The following METRN variants were observed in gnomAD, a reference collection of about 807,000 sequenced individuals.
METRN encodes the protein meteorin, glial cell differentiation regulator, also known as meteorin.
A neutral mutation model predicts 17.4 loss-of-function variants in METRN; 17 were observed. That is an observed-to-expected ratio of 0.98 (90% CI 0.67 to 1.46). METRN has a LOEUF of 1.46. Among genes scored for constraint, METRN ranks in the 40% most tolerant of loss-of-function variants. METRN has a pLI of 0.00. For missense variants in METRN, 489 were observed against 456.2 expected (o/e 1.07, Z -0.65); for synonymous variants, 230 against 210.8 (o/e 1.09, Z -0.79).
chr16:717,542 G>A lies in METRN; in HGVS notation c.*155G>A. 1 of 630,156 alleles carries A rather than the reference G, an allele frequency of 1.6e-6. No homozygotes were observed. Among genetic ancestry groups the A allele is most frequent in the Non-Finnish European group, 2.4e-6 (1 of 423,290 alleles). 39.0% of individuals were successfully genotyped at this position (630,156 alleles called of 1,614,324 possible). Reference sequence around the variant, plus strand: ...CTTGGGCCTGCCTCGCAGCTGTGAGGATGGCTCCAATTCCTGCCTCCTGGC... The same window carrying A: ...CTTGGGCCTGCCTCGCAGCTGTGAGAATGGCTCCAATTCCTGCCTCCTGGC... On this transcript the variant is annotated 3_prime_UTR_variant, in exon 4 of 4. Transcript: ENST00000568223.
chr16:716,973 C>T lies in METRN; in HGVS notation c.546C>T (p.Ala182=), dbSNP rs916436051. ...GCAGCGACGCTGAGCTGCTCCTGGCCGCATGCACCAGCGACTTCGGTGAGT... is the reference window on the plus strand; with the variant it reads ...GCAGCGACGCTGAGCTGCTCCTGGCTGCATGCACCAGCGACTTCGGTGAGT... ...RPCSDAELLL[A]ACTSDFVIHG... is the part of the protein sequence containing the mutation. The change falls in exon 3 of 4, where the codon GCC becomes GCT. Residue 182 remains alanine (A), a synonymous_variant. Transcript: ENST00000568223. 10 of 1,601,274 alleles carry T rather than the reference C, an allele frequency of 6.2e-6. No homozygotes were observed. Among genetic ancestry groups the T allele is most frequent in the Middle Eastern group, 1.7e-4 (1 of 6,040 alleles).
Position 715,281 on chromosome 16 carries a change from C to T in METRN, c.-9C>T, listed in dbSNP as rs2040150545. The T allele has an allele frequency of 1.5e-6, 2 of 1,311,568 alleles. No individual in the cohort carries two copies. Among genetic ancestry groups the T allele is most frequent in the Non-Finnish European group, 1.9e-6 (2 of 1,026,900 alleles). 81.2% of individuals were successfully genotyped at this position (1,311,568 alleles called of 1,614,324 possible). A position where few individuals can be genotyped will look rare whatever the true frequency, so the allele number is the denominator to read the frequency against. ...GAGCCCCGACTCCCCGGACGCCGCCCGCCGTGCCATGGGGTTCCCGGCCGC... is the reference window on the plus strand; with the variant it reads ...GAGCCCCGACTCCCCGGACGCCGCCTGCCGTGCCATGGGGTTCCCGGCCGC... On this transcript the variant is annotated 5_prime_UTR_variant, in exon 1 of 4. Transcript: ENST00000568223.
intron 2 of METRN, 200 bp from the exon 3 acceptor site, chr16:716,733 T>A (rs1596582783): frequency 6.5e-7 from 1 of 1,535,468 alleles, no homozygotes; most frequent in Non-Finnish European, 8.7e-7. Flanking sequence ...CCTGCAAGTG[T>A]GTTTCCTGAG....
intron 1 of METRN, 34 bp from the exon 2 acceptor site, chr16:715,550 C>T: frequency 7.7e-7 from 1 of 1,295,330 alleles, no homozygotes; most frequent in Non-Finnish European, 9.8e-7. Context: ...GGGACCCGCC[C>T]CCGTCTCAGC....
At position 715,991 on chromosome 16, in the gene METRN, G is replaced by A; in HGVS notation, c.505+7G>A. Reference sequence around the variant, plus strand: ...CACGGTCTCGGCGTAGACGGTGAGTGGCGGTCTGGTTGGGACAGGGTGGGA... The same window carrying A: ...CACGGTCTCGGCGTAGACGGTGAGTAGCGGTCTGGTTGGGACAGGGTGGGA... On this transcript the variant is annotated splice_region_variant and intron_variant, in intron 2 of 3. Transcript: ENST00000568223. 2.0e-6 allele frequency: 3 copies of A among 1,481,780 alleles called. No homozygotes were observed. Among genetic ancestry groups the A allele is most frequent in the East Asian group, 5.7e-5 (2 of 35,230 alleles). 91.8% of individuals were successfully genotyped at this position (1,481,780 alleles called of 1,614,324 possible).
chr16:717,009 T>C lies in METRN; in HGVS notation c.565+17T>C, dbSNP rs2151527550. The C allele has an allele frequency of 1.9e-6, 3 of 1,610,264 alleles. No individual in the cohort carries two copies. The highest frequency in any genetic ancestry group is 4.5e-5 in the East Asian group (2 of 44,834). ...GCGACTTCGGTGAGTGTCCCCGCCA[T>C]GGGGGGAGCCTGGAGCCTGCCTTCC... is the stretch of plus-strand genomic sequence containing the variant. On this transcript the variant is annotated intron_variant, in intron 3 of 3. Coordinates refer to ENST00000568223, the MANE Select transcript of METRN (RefSeq NM_024042.4).
chr16:717,520 G>A lies in METRN; in HGVS notation c.*133G>A. On this transcript the variant is annotated 3_prime_UTR_variant, in exon 4 of 4. Transcript: ENST00000568223. ...GGTCTCCTGTGTCCAGCCCAGCCTT[G>A]GGCCTGCCTCGCAGCTGTGAGGATG... 1 of 837,016 alleles carries A rather than the reference G, an allele frequency of 1.2e-6. No individual in the cohort carries two copies. Among genetic ancestry groups the A allele is most frequent in the Non-Finnish European group, 1.6e-6 (1 of 606,568 alleles). The allele number at this position is 837,016 out of a possible 1,614,324, so 51.8% of individuals were successfully genotyped here.
chr16:715,919 G>C lies in METRN; in HGVS notation c.440G>C (p.Arg147Pro). 6.7e-7 allele frequency: 1 copy of C among 1,490,202 alleles called. No individual in the cohort carries two copies. The highest frequency in any genetic ancestry group is 8.9e-7 in the Non-Finnish European group (1 of 1,126,860). The allele number at this position is 1,490,202 out of a possible 1,614,324, so 92.3% of individuals were successfully genotyped here. The stretch of plus-strand genomic sequence containing the variant: ...ATCAGCCGCCGCGTGGCCGCCTTCC[G>C]CTTTGAGCTGCGCGAGGACGGGCGC... The part of the protein sequence containing the change: ...QDISRRVAAF[R>P]FELREDGRPE... The change falls in exon 2 of 4, where the codon CGC becomes CCC. Residue 147 changes from arginine (R) to proline (P), a missense_variant. Transcript: ENST00000568223.
intron 2 of METRN, 193 bp from the exon 3 acceptor site, chr16:716,740 T>G: frequency 6.5e-7 from 1 of 1,535,364 alleles, no homozygotes; most frequent in Middle Eastern, 1.7e-4. Flanking sequence ...GTGTGTTTCC[T>G]GAGTACAGGT....
Position 715,855 on chromosome 16 carries a change from C to A in METRN, c.376C>A (p.Arg126Ser), listed in dbSNP as rs2040156937. Residue 126 changes from arginine (R) to serine (S), a missense_variant, in exon 2 of 4, where the codon CGC becomes AGC. Coordinates refer to ENST00000568223, the MANE Select transcript of METRN (RefSeq NM_024042.4). ...GRCVRWGPRE[R>S]RALFLQATPH... Reference sequence around the variant, plus strand: ...CTGCGTGCGCTGGGGTCCCCGCGAGCGCCGGGCCCTCTTCCTGCAGGCCAC... The same window carrying A: ...CTGCGTGCGCTGGGGTCCCCGCGAGAGCCGGGCCCTCTTCCTGCAGGCCAC... 6.7e-6 allele frequency: 9 copies of A among 1,338,016 alleles called. No individual in the cohort carries two copies. Among genetic ancestry groups the A allele is most frequent in the Non-Finnish European group, 8.6e-6 (9 of 1,048,744 alleles). 82.9% of individuals were successfully genotyped at this position (1,338,016 alleles called of 1,614,324 possible). A position where few individuals can be genotyped will look rare whatever the true frequency, so the allele number is the denominator to read the frequency against.
Position 715,908 on chromosome 16 carries a change from G to A in METRN, c.429G>A (p.Val143=), listed in dbSNP as rs1314068583. The A allele has an allele frequency of 1.4e-6, 2 of 1,476,010 alleles. No homozygotes were observed. The highest frequency in any genetic ancestry group is 1.5e-5 in the African/African-American group (1 of 68,184). 91.4% of individuals were successfully genotyped at this position (1,476,010 alleles called of 1,614,324 possible). A position where few individuals can be genotyped will look rare whatever the true frequency, so the allele number is the denominator to read the frequency against. Residue 143 remains valine, a synonymous_variant, in exon 2 of 4, where the codon GTG becomes GTA. Transcript: ENST00000568223. ...CGCACCAGGACATCAGCCGCCGCGT[G>A]GCCGCCTTCCGCTTTGAGCTGCGCG... ...ATPHQDISRR[V]AAFRFELRED... is the part of the protein sequence containing the mutation.
rs764245589 is a variant in METRN, at chr16:717,102, T to G, written c.597T>G (p.His199Gln). 12 of 1,606,166 alleles carry G rather than the reference T, an allele frequency of 7.5e-6. No homozygotes were observed. In the Admixed American group the frequency reaches 1.7e-4, roughly 23 times the overall value. The part of the protein sequence containing the change: ...VIHGIIHGVT[H>Q]DVELQESVIT... ...ACGGGATCATCCATGGGGTCACCCA[T>G]GACGTGGAGCTGCAGGAGTCTGTCA... The change falls in exon 4 of 4, where the codon CAT becomes CAG. Residue 199 changes from histidine (H) to glutamine (Q), a missense_variant. Coordinates refer to ENST00000568223, the MANE Select transcript of METRN (RefSeq NM_024042.4).
rs781127245 is a variant in METRN, at chr16:716,968, C to T, written c.541C>T (p.Leu181=). The change falls in exon 3 of 4, where the codon CTG becomes TTG. Residue 181 remains leucine, a synonymous_variant. Coordinates refer to ENST00000568223, the MANE Select transcript of METRN (RefSeq NM_024042.4). ...GCCCTGCAGCGACGCTGAGCTGCTC[C>T]TGGCCGCATGCACCAGCGACTTCGG... ...CRPCSDAELL[L]AACTSDFVIH... is the part of the protein sequence containing the mutation. 1.5e-5 allele frequency: 24 copies of T among 1,598,664 alleles called. No individual in the cohort carries two copies. The Admixed American group carries it at 2.7e-4, about 18-fold the overall frequency.
At position 717,591 on chromosome 16, in the gene METRN, G is replaced by A. The variant is rs909697321; in HGVS notation, c.*204G>A. 1 of 467,904 alleles carries A rather than the reference G, an allele frequency of 2.1e-6. No homozygotes were observed. The highest frequency in any genetic ancestry group is 5.4e-5 in the South Asian group (1 of 18,542). 29.0% of individuals were successfully genotyped at this position (467,904 alleles called of 1,614,324 possible). On this transcript the variant is annotated 3_prime_UTR_variant, in exon 4 of 4. Coordinates refer to ENST00000568223, the MANE Select transcript of METRN (RefSeq NM_024042.4). ...GCGGGAGACTGAGGCTCAGGGGAAT[G>A]GTATCTTGTTCAAGACCATTTGGCA...
rs376857273 is a variant in METRN at position 717,453 on chromosome 16, A to G, written c.*66A>G. 2,108 of 1,308,390 alleles carry G rather than the reference A, an allele frequency of 1.6e-3. 61 individuals carry two copies. In the South Asian group the frequency reaches 0.03, roughly 19 times the overall value. 81.0% of individuals were successfully genotyped at this position (1,308,390 alleles called of 1,614,324 possible). A position where few individuals can be genotyped will look rare whatever the true frequency, so the allele number is the denominator to read the frequency against. ...GGCCCACTGCTTTGGAGGTGATGGG[A>G]CTATCAATAAGAACTCTGTTCACGC... On this transcript the variant is annotated 3_prime_UTR_variant, in exon 4 of 4. Coordinates refer to ENST00000568223, the MANE Select transcript of METRN (RefSeq NM_024042.4).
chr16:715,394 G>T lies in METRN; in HGVS notation c.104+1G>T. ...AGGAGCGCTGCAGCTGGAGGGGCAG[G>T]TACGGTCCGGGGGGCTGTCCCCGCA... is the stretch of plus-strand genomic sequence containing the variant. On this transcript the variant is annotated splice_donor_variant, in intron 1 of 3. Transcript: ENST00000568223. LOFTEE classifies it high-confidence loss of function. 2 of 1,317,154 alleles carry T rather than the reference G, an allele frequency of 1.5e-6. No homozygotes were observed. The highest frequency in any genetic ancestry group is 4.1e-5 in the Admixed American group (1 of 24,466). 81.6% of individuals were successfully genotyped at this position (1,317,154 alleles called of 1,614,324 possible). A position where few individuals can be genotyped will look rare whatever the true frequency, so the allele number is the denominator to read the frequency against.
chr16:716,519 C>T (rs2151527378), intron 2 of METRN: 1 of 1,516,948 alleles, frequency 6.6e-7, no homozygotes, highest in East Asian at 2.5e-5. Context: ...CCAGGGACCC[C>T]AGACCACCCT....
rs997621520 is a variant in METRN, at chr16:715,792, C to T, written c.313C>T (p.Leu105=). 3.2e-6 allele frequency: 4 copies of T among 1,258,438 alleles called. No individual in the cohort carries two copies. The highest frequency in any genetic ancestry group is 4.3e-5 in the Admixed American group (1 of 23,364). 78.0% of individuals were successfully genotyped at this position (1,258,438 alleles called of 1,614,324 possible). A position where few individuals can be genotyped will look rare whatever the true frequency, so the allele number is the denominator to read the frequency against. The change falls in exon 2 of 4, where the codon CTG becomes TTG. Residue 105 remains leucine (L), a synonymous_variant. Transcript: ENST00000568223. ...GGAGCGCGCAGGGGGCGCCCTGGAG[C>T]TGCTGCTGGCCGAGGGCCCGGGCCC... is the stretch of plus-strand genomic sequence containing the variant. The part of the protein sequence containing the change: ...FAERAGGALE[L]LLAEGPGPAG...
chr16:715,266 TC>T lies in METRN; in HGVS notation c.-20del. The T allele has an allele frequency of 1.6e-6, 2 of 1,268,262 alleles. No individual in the cohort carries two copies. Among genetic ancestry groups the T allele is most frequent in the South Asian group, 2.1e-5 (1 of 47,632 alleles). 78.6% of individuals were successfully genotyped at this position (1,268,262 alleles called of 1,614,324 possible). ...GGGCAGCGGTGGTGAGAGCCCCGAC[TC>T]CCCGGACGCCGCCCGCCGTGCCATG... is the stretch of plus-strand genomic sequence containing the variant. On this transcript the variant is annotated 5_prime_UTR_variant, in exon 1 of 4. Transcript: ENST00000568223.
Sources: allele counts gnomAD v4.1 joint callset, GRCh38; gene constraint gnomAD v4.1.1; transcripts MANE v1.5; gene names NCBI Gene and HGNC (gene_info 2026-07-23, HGNC 2026-07-21).